DYSF: variants seen among roughly 807,000 people sequenced by gnomAD.
DYSF encodes dystrophy-associated fer-1-like 1.
In DYSF, 212 loss-of-function variants were observed where a neutral mutation model predicts 274.9. The observed-to-expected ratio is 0.77, with a 90% CI of 0.69 to 0.86. The LOEUF is 0.86. Among genes scored for constraint, DYSF ranks in the 40% least tolerant of loss-of-function variants. DYSF has a pLI of 0.00. For synonymous variants in DYSF, 1,091 were observed against 1,078.7 expected (o/e 1.01, Z -0.22); for missense variants, 2,666 against 2,783.2 (o/e 0.96, Z 0.95).
At chr2:71,553,997 G>T in intron 21 of DYSF, 66 bp downstream of exon 21, 1 of 1,611,358 alleles carries the variant, frequency 6.2e-7, no homozygotes, top group East Asian at 2.2e-5. Flanking sequence ...GCTGCATGGG[G>T]TGTCTCAGAC....
At chr2:71,664,080 C>T (rs1167809078) in intron 45 of DYSF, among the ~76,000 whole-genome samples, 188 bp from the exon 46 acceptor site, 2 of 152,208 alleles carry the variant, frequency 1.3e-5, no homozygotes, top group African/African-American at 2.4e-5. Context: ...TGGGAAAGTC[C>T]TGTCCCCCTT....
chr2:71,564,240 G>A (rs1391154227), intron 24 of DYSF, 27 bp downstream of exon 24: 6 of 1,614,140 alleles, frequency 3.7e-6, no homozygotes, highest in Middle Eastern at 3.3e-4. Flanking sequence ...CCCAAGTCAT[G>A]ATCGTATTTT....
In DYSF at chr2:71,658,886, C is replaced by T; in HGVS notation, c.4764C>T (p.Phe1588=). The change falls in exon 44 of 56, where the codon TTC becomes TTT. Residue 1588 remains phenylalanine (F), a synonymous_variant. Coordinates refer to ENST00000410020, the MANE Select transcript of DYSF (RefSeq NM_001130987.2). ...CCCTTCCTTCTTTTCAGGGCCTCTT[C>T]AAAATTTATCCCCTCCCAGAAGACC... ...PSVIGEFKGL[F]KIYPLPEDPA... 6.2e-7 allele frequency: 1 copy of T among 1,614,184 alleles called. No individual in the cohort carries two copies. The highest frequency in any genetic ancestry group is 1.1e-5 in the South Asian group (1 of 91,072).
chr2:71,605,648 G>A (rs539736875), intron 36 of DYSF, among the ~76,000 whole-genome samples: 1 of 152,194 alleles, frequency 6.6e-6, no homozygotes, highest in South Asian at 2.1e-4. Context: ...TTTACTGCCA[G>A]TTCAGGGGTG....
At chr2:71,614,171 A>T (rs56163347) in intron 40 of DYSF, among the ~76,000 whole-genome samples, 3,216 of 152,250 alleles carry the variant, frequency 0.021, 111 homozygotes, top group African/African-American at 0.074. Flanking sequence ...TTCCCACAGT[A>T]GACATGGAGA....
chr2:71,550,933 TG>T, intron 17 of DYSF, 107 bp from the exon 18 acceptor site: 12 of 876,068 alleles, frequency 1.4e-5, no homozygotes, highest in Non-Finnish European at 2.3e-5. Context: ...CTGGTGCATG[TG>T]GGGGGGAACT....
intron 17 of DYSF, chr2:71,549,453 G>A (rs1263661411): frequency 1.3e-6 from 2 of 1,542,986 alleles, no homozygotes; most frequent in Non-Finnish European, 1.8e-6. Context: ...GGCTAGAGGG[G>A]CGAGGGTGCT....
At chr2:71,479,344 T>A (rs530845791) in intron 1 of DYSF, among the ~76,000 whole-genome samples, 3 of 151,990 alleles carry the variant, frequency 2.0e-5, no homozygotes, top group African/African-American at 7.2e-5. Context: ...AGTGTCTTCA[T>A]GGAAGACGTG....
At chr2:71,679,919 T>C (rs1306967962) in intron 53 of DYSF, among the ~76,000 whole-genome samples, 1 of 152,180 alleles carries the variant, frequency 6.6e-6, no homozygotes, top group Non-Finnish European at 1.5e-5. Context: ...CTCCAGTAAT[T>C]AAATAAAGGG....
At chr2:71,483,812 TG>T (rs922032146) in intron 3 of DYSF, among the ~76,000 whole-genome samples, 1 of 151,978 alleles carries the variant, frequency 6.6e-6, no homozygotes, top group African/African-American at 2.4e-5. Context: ...GGCAGGTTTT[TG>T]GGACATGCTC....
At chr2:71,668,958 T>C in intron 49 of DYSF, 116 bp downstream of exon 49, 1 of 1,335,774 alleles carries the variant, frequency 7.5e-7, no homozygotes, top group Non-Finnish European at 1.1e-6. Flanking sequence ...ATTTGGGCCA[T>C]GGAATACAGT....
At chr2:71,621,671 A>T (rs1050149636) in intron 41 of DYSF, among the ~76,000 whole-genome samples, 7 of 151,088 alleles carry the variant, frequency 4.6e-5, no homozygotes, top group African/African-American at 9.7e-5. Context: ...TTATATATAT[A>T]TTTTTTGAGA....
intron 4 of DYSF, among the ~76,000 whole-genome samples, chr2:71,504,068 G>A (rs2085245290): frequency 6.6e-6 from 1 of 152,226 alleles, no homozygotes; most frequent in African/African-American, 2.4e-5. Flanking sequence ...CGTGGCGGGT[G>A]TGTGAGGCCG....
chr2:71,553,752 A>ACC, intron 20 of DYSF, 55 bp from the exon 21 acceptor site: 1 of 267,800 alleles, frequency 3.7e-6, no homozygotes, highest in Non-Finnish European at 6.7e-6. Context: ...TTAGCACCCC[A>ACC]TCCCACCCGC....
Position 71,491,813 on chromosome 2 carries a change from T to C in DYSF, c.239+9843T>C, listed in dbSNP as rs368916706. 2.6e-5 allele frequency among the ~76,000 whole-genome samples: 4 copies of C among 152,220 alleles called. No individual in the cohort carries two copies. The East Asian group carries it at 5.8e-4, about 22-fold the overall frequency. On this transcript the variant is annotated intron_variant, in intron 3 of 55. Transcript: ENST00000410020. ...CACGTTTTCTTTATCCAGTCTATCA[T>C]CGATGGGCATTTAGGTTGATTCTAT... is the stretch of plus-strand genomic sequence containing the variant.
At chr2:71,580,314 G>A (rs568661574) in intron 30 of DYSF, among the ~76,000 whole-genome samples, 15 of 152,374 alleles carry the variant, frequency 9.8e-5, no homozygotes, top group East Asian at 7.7e-4. Flanking sequence ...CAGTAGAGAG[G>A]ACCCTCAGAG....
chr2:71,613,548 G>T (rs2093817164), intron 40 of DYSF, 138 bp downstream of exon 40: 2 of 811,100 alleles, frequency 2.5e-6, no homozygotes, highest in African/African-American at 1.7e-5. Context: ...GTTGGACACT[G>T]TCCAGTAGAG....
At chr2:71,488,484 G>A (rs1042351424) in intron 3 of DYSF, among the ~76,000 whole-genome samples, 2 of 152,172 alleles carry the variant, frequency 1.3e-5, no homozygotes, top group Non-Finnish European at 2.9e-5. Context: ...CGGTCCCCAA[G>A]ACAGGGGGCC....
rs1252415299 is a variant in DYSF at position 71,574,222 on chromosome 2, G to T, written c.3253G>T (p.Glu1085Ter). The T allele has an allele frequency of 3.7e-6, 6 of 1,613,666 alleles. No individual in the cohort carries two copies. The highest frequency in any genetic ancestry group is 5.1e-6 in the Non-Finnish European group (6 of 1,180,044). The change falls in exon 30 of 56, where the codon GAG becomes TAG. Residue 1085 changes from glutamate to a stop codon, truncating the protein, a stop_gained. Transcript: ENST00000410020. LOFTEE classifies it high-confidence loss of function. ...GCACAGGCAGGCGGAGGCGGAGGGCGAGGGCTGGGAGTACGCCTCTCTTTT... is the reference window on the plus strand; with the variant it reads ...GCACAGGCAGGCGGAGGCGGAGGGCTAGGGCTGGGAGTACGCCTCTCTTTT... ...KRHRQAEAEG[E>*]GWEYASLFGW...
Sources: gnomAD v4.1 joint callset for allele counts (sites outside exome capture counted in the v4.1 genomes callset) on GRCh38, gnomAD v4.1.1 for gene constraint, MANE v1.5 for transcripts, NCBI Gene and HGNC (gene_info 2026-07-23, HGNC 2026-07-21) for gene names.